MYO7B: variants seen among roughly 807,000 people sequenced by gnomAD.
The protein encoded by MYO7B is unconventional myosin-VIIb.
In MYO7B, 212 loss-of-function variants were observed where a neutral mutation model predicts 259.7. That is an observed-to-expected ratio of 0.82 (90% CI 0.73 to 0.91). The LOEUF (loss-of-function observed/expected upper bound fraction) is 0.91, where lower values mean the gene tolerates loss of function less well. Ranked by LOEUF, MYO7B falls within the 40% of genes least tolerant of loss-of-function variation. The pLI, the probability that MYO7B is intolerant of heterozygous loss-of-function variation, is 0.00. For missense variants in MYO7B, 2,732 were observed against 2,813.5 expected, an observed-to-expected ratio of 0.97 and a Z score of 0.66; for synonymous variants, 1,197 against 1,166.4, an observed-to-expected ratio of 1.03 and a Z score of -0.54.
At chr2:127,619,358 G>T (rs1680734551) in intron 26 of MYO7B, among the ~76,000 whole-genome samples, 3 of 141,284 alleles carry the variant, frequency 2.1e-5, no homozygotes, top group Admixed American at 1.4e-4. Flanking sequence ...GCTGGGTGGT[G>T]GGCGCCAGCT....
At position 127,610,027 on chromosome 2, in the gene MYO7B, G is replaced by A; in HGVS notation, c.3192+11G>A. The A allele has an allele frequency of 1.2e-6, 2 of 1,606,972 alleles. No homozygotes were observed. The highest frequency in any genetic ancestry group is 1.7e-6 in the Non-Finnish European group (2 of 1,177,772). ...AGTAGATCTGCACAGGCAAGTGGGG[G>A]GCAGCAGCGGGCAGAGGAGGGCGAC... On this transcript the variant is annotated intron_variant, in intron 24 of 47. Transcript: ENST00000409816.
chr2:127,625,566 C>G, intron 31 of MYO7B, 31 bp downstream of exon 31: 2 of 1,551,672 alleles, frequency 1.3e-6, no homozygotes, highest in Non-Finnish European at 1.7e-6. Flanking sequence ...GGCACCCACC[C>G]GAGGGCTCTC....
Position 127,628,765 on chromosome 2 carries a change from C to T in MYO7B, c.4624+230C>T, listed in dbSNP as rs1681297841. On this transcript the variant is annotated intron_variant, in intron 34 of 47. Transcript: ENST00000409816. This position sits in a 1 kb window ranked among gnomAD's most constrained non-coding sequence, Gnocchi z 4.8. ...CTAAAGGAGGTGGTCTCCAGCCCTG[C>T]ATAGGCCAGCCATGCTCAGCGCTGC... Among the ~76,000 whole-genome samples the T allele has an allele frequency of 6.6e-6, 1 of 152,248 alleles. No individual in the cohort carries two copies. The highest frequency in any genetic ancestry group is 6.5e-5 in the Admixed American group (1 of 15,288).
At position 127,590,779 on chromosome 2, in the gene MYO7B, A is replaced by AT. The variant is rs1679527357; in HGVS notation, c.1992+551dup. ...GGGGAGTCCCACCCAGAGGCCGCAT[A>AT]TGCAGGGATTCCCCAAACTAGGAGA... is the stretch of plus-strand genomic sequence containing the variant. On this transcript the variant is annotated intron_variant, in intron 16 of 47. Transcript: ENST00000409816. This position sits in a 1 kb window ranked among gnomAD's most constrained non-coding sequence, Gnocchi z 4.6. Among the ~76,000 whole-genome samples, 1 of 152,238 alleles carries AT rather than the reference A, an allele frequency of 6.6e-6. No homozygotes were observed. The highest frequency in any genetic ancestry group is 2.4e-5 in the African/African-American group (1 of 41,466).
intron 1 of MYO7B, among the ~76,000 whole-genome samples, chr2:127,551,414 G>A (rs1693439077): frequency 6.6e-6 from 1 of 152,172 alleles, no homozygotes; most frequent in South Asian, 2.1e-4. Flanking sequence ...TCTCCTTAGG[G>A]CTGTTTGAGC....
rs1205779750 is a variant in MYO7B, at chr2:127,628,248, GGCA to G, written c.4461-122_4461-120del. ...TGGTGTCTGGCCTAGTCCTGGCCCTGGCAGAGCAGCTCTGTGTCCTCATCTGTG... is the reference window on the plus strand; with the variant it reads ...TGGTGTCTGGCCTAGTCCTGGCCCTGGAGCAGCTCTGTGTCCTCATCTGTG... On this transcript the variant is annotated intron_variant, in intron 33 of 47. Coordinates refer to ENST00000409816, the MANE Select transcript of MYO7B (RefSeq NM_001393586.1). This position sits in a 1 kb window ranked among gnomAD's most constrained non-coding sequence, Gnocchi z 4.8. 1.6e-6 allele frequency: 2 copies of G among 1,214,564 alleles called. No individual in the cohort carries two copies. Among genetic ancestry groups the G allele is most frequent in the Non-Finnish European group, 2.3e-6 (2 of 854,274 alleles). 75.2% of individuals were successfully genotyped at this position (1,214,564 alleles called of 1,614,324 possible).
intron 1 of MYO7B, among the ~76,000 whole-genome samples, chr2:127,540,327 C>T (rs1692955713): frequency 6.6e-6 from 1 of 152,130 alleles, no homozygotes; most frequent in South Asian, 2.1e-4. Context: ...CCACACCCAA[C>T]TAATTTTTGT....
At chr2:127,587,223 A>G (rs1195076822) in intron 14 of MYO7B, among the ~76,000 whole-genome samples, 1 of 152,194 alleles carries the variant, frequency 6.6e-6, no homozygotes, top group African/African-American at 2.4e-5. Context: ...GGAGCAGCTC[A>G]TCTTCAGTGC....
chr2:127,539,949 A>G lies in MYO7B; in HGVS notation c.-24+4118A>G, dbSNP rs1692938755. Among the ~76,000 whole-genome samples, 1 of 152,162 alleles carries G rather than the reference A, an allele frequency of 6.6e-6. No individual in the cohort carries two copies. Among genetic ancestry groups the G allele is most frequent in the African/African-American group, 2.4e-5 (1 of 41,444 alleles). ...TACGATATTTGGTTTTCCATTTCTG[A>G]GTTACTTCACTTAGAATAATGGCCT... On this transcript the variant is annotated intron_variant, in intron 1 of 47. Coordinates refer to ENST00000409816, the MANE Select transcript of MYO7B (RefSeq NM_001393586.1). The surrounding 1 kb of genome is among the most constrained non-coding windows in gnomAD (Gnocchi z 4.0).
rs1029654505 is a variant in MYO7B at position 127,576,766 on chromosome 2, T to C, written c.849+58T>C. 7 of 1,278,368 alleles carry C rather than the reference T, an allele frequency of 5.5e-6. No individual in the cohort carries two copies. In the African/African-American group the frequency reaches 7.4e-5, roughly 14 times the overall value. 79.2% of individuals were successfully genotyped at this position (1,278,368 alleles called of 1,614,324 possible). A position where few individuals can be genotyped will look rare whatever the true frequency, so the allele number is the denominator to read the frequency against. On this transcript the variant is annotated intron_variant, in intron 8 of 47. Coordinates refer to ENST00000409816, the MANE Select transcript of MYO7B (RefSeq NM_001393586.1). This position sits in a 1 kb window ranked among gnomAD's most constrained non-coding sequence, Gnocchi z 4.9. The stretch of plus-strand genomic sequence containing the variant: ...AGTGGAAGGGAGGAAAAAGAGCTTG[T>C]GCCGCTCCACCCTCCGCGACAGCTG...
Position 127,637,356 on chromosome 2 carries a change from A to G in MYO7B, c.6368A>G (p.Gln2123Arg). Residue 2123 changes from glutamine (Q) to arginine (R), a missense_variant, in exon 48 of 48, where the codon CAG (glutamine) becomes CGG (arginine). Gln to Arg is a conservative substitution (Grantham distance 43). Transcript: ENST00000409816. Reference sequence around the variant, plus strand: ...GACCTGCTGACCTCATATGTGCAGCAGCTCCTGAGTGCCATGAACAAGCAG... The same window carrying G: ...GACCTGCTGACCTCATATGTGCAGCGGCTCCTGAGTGCCATGAACAAGCAG... ...MDDLLTSYVQ[Q>R]LLSAMNKQRG... 3 of 1,595,200 alleles carry G rather than the reference A, an allele frequency of 1.9e-6. No individual in the cohort carries two copies. Among genetic ancestry groups the G allele is most frequent in the Non-Finnish European group, 2.6e-6 (3 of 1,171,236 alleles).
chr2:127,620,184 C>A, intron 26 of MYO7B, 156 bp from the exon 27 acceptor site: 1 of 811,114 alleles, frequency 1.2e-6, no homozygotes. Context: ...TGGCACTGTC[C>A]TGAGAGAGGA....
chr2:127,628,634 C>T lies in MYO7B; in HGVS notation c.4624+99C>T. 4.6e-6 allele frequency: 6 copies of T among 1,296,708 alleles called. No individual in the cohort carries two copies. The highest frequency in any genetic ancestry group is 6.3e-6 in the Non-Finnish European group (6 of 950,606). 80.3% of individuals were successfully genotyped at this position (1,296,708 alleles called of 1,614,324 possible). ...GGCATGCTCATCTCCACACAGCAGC[C>T]ACAAGGCAAGCAGAGGGAGGGAAGG... is the stretch of plus-strand genomic sequence containing the variant. On this transcript the variant is annotated intron_variant, in intron 34 of 47. Transcript: ENST00000409816. This position sits in a 1 kb window ranked among gnomAD's most constrained non-coding sequence, Gnocchi z 4.8.
chr2:127,575,294 G>T lies in MYO7B; in HGVS notation c.735+1232G>T, dbSNP rs543859691. Among the ~76,000 whole-genome samples the T allele has an allele frequency of 2.6e-5, 4 of 152,304 alleles. No homozygotes were observed. The East Asian group carries it at 7.7e-4, about 29-fold the overall frequency. On this transcript the variant is annotated intron_variant, in intron 7 of 47. Coordinates refer to ENST00000409816, the MANE Select transcript of MYO7B (RefSeq NM_001393586.1). The stretch of plus-strand genomic sequence containing the variant: ...AGGGTCACAGAGCCAGCAGATGGCA[G>T]AGTCTCTCTGCCCTGTCTGGAAGCT...
At chr2:127,581,783 G>C in intron 10 of MYO7B, 108 bp from the exon 11 acceptor site, 1 of 1,493,080 alleles carries the variant, frequency 6.7e-7, no homozygotes, top group Non-Finnish European at 9.0e-7. Context: ...CCTCCGGTGG[G>C]CATAGGTGCT....
intron 9 of MYO7B, among the ~76,000 whole-genome samples, chr2:127,580,365 G>T (rs1046543946): frequency 1.3e-5 from 2 of 152,164 alleles, no homozygotes; most frequent in Non-Finnish European, 2.9e-5. Context: ...ATAACGAAAT[G>T]TCCGGGTTTC....
At chr2:127,635,299 G>A in intron 43 of MYO7B, 73 bp downstream of exon 43, 1 of 1,412,082 alleles carries the variant, frequency 7.1e-7, no homozygotes, top group Non-Finnish European at 9.8e-7. Context: ...GGCTGTAGAA[G>A]CCAGCAGGCC....
Position 127,564,158 on chromosome 2 carries a change from C to A in MYO7B, c.24C>A (p.Asp8Glu), listed in dbSNP as rs757691115. The change falls in exon 3 of 48, where the codon GAC becomes GAA. Residue 8 changes from aspartate to glutamate, a missense_variant. By Grantham distance (45) the Asp-to-Glu change is conservative (BLOSUM62 2). This residue lies in a region of MYO7B where 1,906 missense variants were observed against 2,026.4 expected (regional missense o/e 0.94). Coordinates refer to ENST00000409816, the MANE Select transcript of MYO7B (RefSeq NM_001393586.1). ...GTCTTCTGTCTGCCCTCCAGGGTGA[C>A]CACGTGTGGCTGGAGCCTCCCTCCA... MSGFRLGDHVWLEPPSTH... is the reference protein window; with the variant it reads MSGFRLGEHVWLEPPSTH... The A allele has an allele frequency of 1.3e-6, 2 of 1,561,662 alleles. No individual in the cohort carries two copies. Among genetic ancestry groups the A allele is most frequent in the Non-Finnish European group, 8.7e-7 (1 of 1,152,602 alleles).
intron 1 of MYO7B, among the ~76,000 whole-genome samples, chr2:127,543,734 C>A (rs1693099655): frequency 6.7e-6 from 1 of 148,836 alleles, no homozygotes; most frequent in African/African-American, 2.5e-5. Context: ...CTGTTTCTCT[C>A]TCTCCATATA....
Sources: allele counts gnomAD v4.1 joint callset (sites outside exome capture counted in the v4.1 genomes callset), GRCh38; gene constraint gnomAD v4.1.1; regional missense constraint gnomAD v4.1.1; non-coding constraint Gnocchi (gnomAD v3.1); transcripts MANE v1.5; gene names NCBI Gene and HGNC (gene_info 2026-07-23, HGNC 2026-07-21).